TYW1B: variants seen among roughly 807,000 people sequenced by gnomAD.
TYW1B encodes the protein S-adenosyl-L-methionine-dependent tRNA 4-demethylwyosine synthase TYW1B.
Under a neutral mutation model 86.9 loss-of-function variants are expected in TYW1B, and 73 were observed. The ratio of observed to expected loss-of-function variants is 0.84; its 90% CI spans 0.70 to 1.02. The LOEUF (loss-of-function observed/expected upper bound fraction) is 1.02, where lower values mean the gene tolerates loss of function less well. TYW1B is among the 50% of genes least tolerant of loss of function. The probability of loss-of-function intolerance (pLI) is 0.00; values close to 1 mark genes in which losing one functional copy is unlikely to be tolerated. For synonymous variants in TYW1B, 248 were observed against 292.8 expected, an observed-to-expected ratio of 0.85 and a Z score of 1.56; for missense variants, 637 against 827.4, an observed-to-expected ratio of 0.77 and a Z score of 2.82.
rs373938967 is a variant in TYW1B at position 72,593,654 on chromosome 7, T to C, written c.1786-17935A>G. Among the ~76,000 whole-genome samples, 353 of 150,816 alleles carry C rather than the reference T, an allele frequency of 2.3e-3. 15 individuals carry two copies. In the East Asian group the frequency reaches 0.054, roughly 23 times the overall value. On this transcript the variant is annotated intron_variant, in intron 13 of 13. Transcript: ENST00000620995. ...TGGCTAACACAGTGAAACCCCGTCT[T>C]TACTAAAAATACAAAAAATTAGCAG... is the stretch of plus-strand genomic sequence containing the variant.
Position 72,823,959 on chromosome 7 carries a change from A to AT in TYW1B, c.135+2895dup, listed in dbSNP as rs546565514. Among the ~76,000 whole-genome samples, 476 of 151,822 alleles carry AT rather than the reference A, an allele frequency of 3.1e-3. 4 individuals carry two copies. The highest frequency in any genetic ancestry group is 0.011 in the African/African-American group (440 of 41,412). On this transcript the variant is annotated intron_variant, in intron 2 of 13. Coordinates refer to ENST00000620995, the MANE Select transcript of TYW1B (RefSeq NM_001145440.3). Reference sequence around the variant, plus strand: ...AAGTATTCGTTTGATCTTTTTGATCATTTTTTTTTAAAAAGGTAAAAACAT... The same window carrying AT: ...AAGTATTCGTTTGATCTTTTTGATCATTTTTTTTTTAAAAAGGTAAAAACAT...
chr7:72,614,794 A>C lies in TYW1B; in HGVS notation c.1785+1878T>G, dbSNP rs1812030099. 2.0e-5 allele frequency among the ~76,000 whole-genome samples: 3 copies of C among 152,238 alleles called. No homozygotes were observed. In the South Asian group the frequency reaches 6.2e-4, roughly 31 times the overall value. ...AAATAACTGAAGCAGCAATAACTGA[A>C]TCATGCTATGAGCCAGGTGCTGTGT... is the stretch of plus-strand genomic sequence containing the variant. On this transcript the variant is annotated intron_variant, in intron 13 of 13. Transcript: ENST00000620995.
chr7:72,590,646 A>C (rs1429549116), intron 13 of TYW1B, among the ~76,000 whole-genome samples: 3 of 152,266 alleles, frequency 2.0e-5, no homozygotes, highest in Admixed American at 2.0e-4. Context: ...GATCCTTGGC[A>C]CAGAGACAGC....
intron 10 of TYW1B, among the ~76,000 whole-genome samples, chr7:72,709,478 T>C (rs539882157): frequency 7.7e-5 from 11 of 142,992 alleles, no homozygotes; most frequent in South Asian, 2.3e-4. Context: ...ACCATCCTGC[T>C]AACACGGTGA....
chr7:72,815,508 TAA>T (rs1554479273), intron 2 of TYW1B, 27 bp from the exon 3 acceptor site: 2 of 1,593,136 alleles, frequency 1.3e-6, no homozygotes, highest in Admixed American at 3.7e-5. Context: ...AAACTTCAAA[TAA>T]AGTCTTCAAT....
At chr7:72,675,984 G>T (rs1554447342) in intron 11 of TYW1B, among the ~76,000 whole-genome samples, 2 of 152,110 alleles carry the variant, frequency 1.3e-5, no homozygotes, top group South Asian at 2.1e-4. Flanking sequence ...CTGGTTCAAA[G>T]AATAAATAAG....
At chr7:72,702,971 CATCT>C (rs1319459867) in intron 10 of TYW1B, among the ~76,000 whole-genome samples, 32 of 37,742 alleles carry the variant, frequency 8.5e-4, no homozygotes, top group South Asian at 5.1e-3. Flanking sequence ...TATCATCATT[CATCT>C]ATCTATCTAT....
At chr7:72,602,028 G>A (rs1395207240) in intron 13 of TYW1B, among the ~76,000 whole-genome samples, 4 of 152,154 alleles carry the variant, frequency 2.6e-5, no homozygotes, top group Non-Finnish European at 4.4e-5. Flanking sequence ...CTGAAATGCT[G>A]AATCTTAATG....
chr7:72,734,878 C>T (rs1306282908), intron 8 of TYW1B, among the ~76,000 whole-genome samples: 1 of 152,162 alleles, frequency 6.6e-6, no homozygotes, highest in Non-Finnish European at 1.5e-5. Context: ...CATCACTAAT[C>T]ATCAGAGAAA....
At chr7:72,690,840 C>T (rs34052126) in intron 11 of TYW1B, among the ~76,000 whole-genome samples, 13 of 150,562 alleles carry the variant, frequency 8.6e-5, no homozygotes, top group Non-Finnish European at 1.5e-4. Flanking sequence ...CTCCGCCTCC[C>T]GGGTTGAAGC....
At chr7:72,600,980 G>A (rs1811651953) in intron 13 of TYW1B, among the ~76,000 whole-genome samples, 1 of 151,878 alleles carries the variant, frequency 6.6e-6, no homozygotes, top group South Asian at 2.1e-4. Context: ...ACATGGCGAA[G>A]CCCTGTTTCT....
At chr7:72,802,105 T>C (rs1788412223) in intron 6 of TYW1B, among the ~76,000 whole-genome samples, 1 of 152,052 alleles carries the variant, frequency 6.6e-6, no homozygotes, top group South Asian at 2.1e-4. Flanking sequence ...AAGACATTTT[T>C]TCTACCAATG....
intron 9 of TYW1B, among the ~76,000 whole-genome samples, chr7:72,717,676 C>CA (rs1470958550): frequency 3.3e-5 from 5 of 151,122 alleles, no homozygotes; most frequent in Non-Finnish European, 5.9e-5. Flanking sequence ...CACACACACA[C>CA]ACTCTAATTC....
At chr7:72,699,475 G>A (rs1442804869) in intron 10 of TYW1B, among the ~76,000 whole-genome samples, 9 of 152,098 alleles carry the variant, frequency 5.9e-5, no homozygotes, top group African/African-American at 1.4e-4. Context: ...ACAGTGCACC[G>A]TTCTGCATCT....
intron 13 of TYW1B, among the ~76,000 whole-genome samples, chr7:72,611,067 C>T (rs1404000965): frequency 1.3e-5 from 2 of 152,224 alleles, no homozygotes; most frequent in South Asian, 2.1e-4. Flanking sequence ...GCCATGTCTC[C>T]GTGCTTCTCC....
chr7:72,631,536 A>T (rs1322154938), intron 11 of TYW1B, among the ~76,000 whole-genome samples: 9 of 152,026 alleles, frequency 5.9e-5, no homozygotes, highest in Non-Finnish European at 1.3e-4. Flanking sequence ...AAATAAATAA[A>T]TGCATTTCTA....
intron 2 of TYW1B, among the ~76,000 whole-genome samples, chr7:72,820,144 G>A (rs111485351): frequency 1.4e-4 from 22 of 152,118 alleles, no homozygotes; most frequent in African/African-American, 4.1e-4. Flanking sequence ...GTGTGGTGGC[G>A]CACACCTGTA....
chr7:72,776,342 T>C (rs1234224570), intron 7 of TYW1B, among the ~76,000 whole-genome samples: 1 of 151,944 alleles, frequency 6.6e-6, no homozygotes, highest in African/African-American at 2.4e-5. Flanking sequence ...CCCAGCACTT[T>C]GGGAGGCTGA....
chr7:72,632,997 C>T (rs1217196865), intron 11 of TYW1B, among the ~76,000 whole-genome samples: 2 of 152,000 alleles, frequency 1.3e-5, no homozygotes, highest in Admixed American at 6.6e-5. Context: ...CAGGTCCAGA[C>T]AGGATGAAGT....
Sources: allele counts gnomAD v4.1 joint callset (sites outside exome capture counted in the v4.1 genomes callset), GRCh38; gene constraint gnomAD v4.1.1; transcripts MANE v1.5; gene names NCBI Gene and HGNC (gene_info 2026-07-23, HGNC 2026-07-21).